Variants in ZNF57 observed in about 807,000 individuals in gnomAD.
The protein encoded by ZNF57 is zinc finger protein 424.
ZNF57 carries 11 observed loss-of-function variants against 13.4 expected under a neutral mutation model. That is an observed-to-expected ratio of 0.82 (90% CI 0.52 to 1.36). The LOEUF is 1.36. ZNF57 is among the 40% of genes most tolerant of loss of function. The pLI, the probability that ZNF57 is intolerant of heterozygous loss-of-function variation, is 0.00. For missense variants in ZNF57, 696 were observed against 667.5 expected (o/e 1.04, Z -0.47); for synonymous variants, 224 against 238.5 (o/e 0.94, Z 0.56).
Position 2,917,002 on chromosome 19 carries a change from T to TA in ZNF57, c.382dup (p.Thr128AsnfsTer14). 1 of 1,614,170 alleles carries TA rather than the reference T, an allele frequency of 6.2e-7. No individual in the cohort carries two copies. Among genetic ancestry groups the TA allele is most frequent in the Non-Finnish European group, 8.5e-7 (1 of 1,180,016 alleles). ...AAGCCATCCATCAAATGCCAGATCT[T>TA]ACCCTGCACAAGAAAGTTTCTGCTG... is the stretch of plus-strand genomic sequence containing the variant. On this transcript the variant is annotated frameshift_variant, in exon 4 of 4. Transcript: ENST00000306908. LOFTEE classifies it low-confidence loss of function (END_TRUNC).
intron 1 of ZNF57, 40 bp downstream of exon 1, chr19:2,901,088 G>A: frequency 3.3e-6 from 5 of 1,520,838 alleles, no homozygotes; most frequent in Non-Finnish European, 4.4e-6. Flanking sequence ...GACGGTCGGA[G>A]CGACGGGAAC....
At position 2,901,470 on chromosome 19, in the gene ZNF57, G is replaced by GTCT. The variant is rs529208431; in HGVS notation, c.3+423_3+425dup. Among the ~76,000 whole-genome samples, 661 of 152,226 alleles carry GTCT rather than the reference G, an allele frequency of 4.3e-3. 5 individuals carry two copies. The highest frequency in any genetic ancestry group is 0.015 in the African/African-American group (609 of 41,546). On this transcript the variant is annotated intron_variant, in intron 1 of 3. Transcript: ENST00000306908. ...ACTCACTTGGGTGCAAGTGGGCTGA[G>GTCT]TCTGAGAAAGGACTCAGCAAAGGGT...
chr19:2,904,010 C>T (rs11673250), intron 1 of ZNF57, among the ~76,000 whole-genome samples: 55,988 of 152,066 alleles, frequency 0.37, 10,588 homozygotes, highest in Non-Finnish European at 0.42. Flanking sequence ...CCACCGCGCC[C>T]GGCCCATTCC....
intron 3 of ZNF57, chr19:2,916,545 T>C (rs1466746074): frequency 8.0e-6 from 2 of 250,214 alleles, no homozygotes; most frequent in East Asian, 8.2e-5. Context: ...AACCCGCCTC[T>C]ACTAAAAATA....
chr19:2,909,523 C>T lies in ZNF57; in HGVS notation c.4-5999C>T, dbSNP rs1431475586. Among the ~76,000 whole-genome samples the T allele has an allele frequency of 4.1e-5, 2 of 49,322 alleles. 1 individual carries two copies. The highest frequency in any genetic ancestry group is 1.3e-4 in the Non-Finnish European group (2 of 15,810). 32.4% of individuals were successfully genotyped at this position (49,322 alleles called of 152,430 possible). On this transcript the variant is annotated intron_variant, in intron 1 of 3. Coordinates refer to ENST00000306908, the MANE Select transcript of ZNF57 (RefSeq NM_173480.3). ...TCTTGACGTCGTGATCCGCACGCCT[C>T]GGCCTCCCAAAGTGCTAGGATTACA...
intron 1 of ZNF57, among the ~76,000 whole-genome samples, chr19:2,906,300 C>T (rs956022302): frequency 1.3e-5 from 2 of 152,200 alleles, no homozygotes; most frequent in African/African-American, 4.8e-5. Flanking sequence ...GCGATCCTCC[C>T]GCCTCAGCCT....
chr19:2,906,220 T>A lies in ZNF57; in HGVS notation c.3+5172T>A, dbSNP rs1327603662. Among the ~76,000 whole-genome samples, 4 of 152,170 alleles carry A rather than the reference T, an allele frequency of 2.6e-5. No individual in the cohort carries two copies. In the East Asian group the frequency reaches 7.7e-4, roughly 29 times the overall value. ...GATTCATGCCACCACACCCAGCTAA[T>A]TAAAAAAAATTTTTATAGAGCTGGG... On this transcript the variant is annotated intron_variant, in intron 1 of 3. Coordinates refer to ENST00000306908, the MANE Select transcript of ZNF57 (RefSeq NM_173480.3).
At chr19:2,901,984 C>G (rs2088034203) in intron 1 of ZNF57, among the ~76,000 whole-genome samples, 1 of 151,808 alleles carries the variant, frequency 6.6e-6, no homozygotes, top group African/African-American at 2.4e-5. Flanking sequence ...AGGAATATTA[C>G]AAAGTACCTT....
At chr19:2,901,223 C>T (rs995649212) in intron 1 of ZNF57, among the ~76,000 whole-genome samples, 175 bp downstream of exon 1, 1 of 136,054 alleles carries the variant, frequency 7.4e-6, no homozygotes, top group Non-Finnish European at 1.6e-5. Flanking sequence ...GGACTGGGGG[C>T]AGTTTGGGGG....
At chr19:2,912,098 G>T in intron 1 of ZNF57, 1 of 152,252 alleles carries the variant, frequency 6.6e-6, no homozygotes, top group East Asian at 1.9e-4. Context: ...GATGTGGGCA[G>T]AGGGCAAGGA....
chr19:2,908,461 G>GTTTT (rs60289248), intron 1 of ZNF57, among the ~76,000 whole-genome samples: 13,847 of 122,466 alleles, frequency 0.11, 1,258 homozygotes, highest in African/African-American at 0.19. Flanking sequence ...TATTTTTTTG[G>GTTTT]TTTTTTTTTT....
Position 2,916,059 on chromosome 19 carries a change from G to A in ZNF57, c.131-19G>A, listed in dbSNP as rs769165919. The A allele has an allele frequency of 1.3e-5, 21 of 1,602,390 alleles. No individual in the cohort carries two copies. Among genetic ancestry groups the A allele is most frequent in the Middle Eastern group, 1.7e-4 (1 of 5,990 alleles). On this transcript the variant is annotated intron_variant, in intron 2 of 3. Coordinates refer to ENST00000306908, the MANE Select transcript of ZNF57 (RefSeq NM_173480.3). ...ACGTGTCTTATTCCTTTTGAGATTT[G>A]TTTACTTTTTTGTTGCAGATGATGG...
At chr19:2,913,166 C>A (rs1025899898) in intron 1 of ZNF57, among the ~76,000 whole-genome samples, 33 of 152,174 alleles carry the variant, frequency 2.2e-4, no homozygotes, top group Middle Eastern at 3.2e-3. Context: ...ATTGGCTCAG[C>A]TGGTCTCAAA....
intron 3 of ZNF57, 30 bp downstream of exon 3, chr19:2,916,279 T>C (rs747617002): frequency 7.1e-6 from 11 of 1,556,280 alleles, no homozygotes; most frequent in Non-Finnish European, 9.6e-6. Context: ...GAAAAATCCT[T>C]GTATGCAATT....
intron 1 of ZNF57, among the ~76,000 whole-genome samples, chr19:2,908,655 G>A (rs62125392): frequency 0.024 from 3,710 of 151,774 alleles, 73 homozygotes; most frequent in African/African-American, 0.045. Flanking sequence ...CGCCCTCCTC[G>A]GCCTCCCAAA....
In ZNF57 at chr19:2,915,511, G is replaced by A. The variant is rs760519787; in HGVS notation, c.4-11G>A. 5.6e-6 allele frequency: 9 copies of A among 1,613,196 alleles called. No individual in the cohort carries two copies. Among genetic ancestry groups the A allele is most frequent in the Non-Finnish European group, 7.6e-6 (9 of 1,179,550 alleles). ...TCCAATCCTCCTGCACACCTGTGTG[G>A]TTTGTCTTAGGACTCAGTGGTCTTT... On this transcript the variant is annotated splice_polypyrimidine_tract_variant and intron_variant, in intron 1 of 3. Transcript: ENST00000306908.
At chr19:2,912,467 C>G (rs943207892) in intron 1 of ZNF57, among the ~76,000 whole-genome samples, 11 of 152,184 alleles carry the variant, frequency 7.2e-5, no homozygotes, top group African/African-American at 2.7e-4. Flanking sequence ...CTCAGGGTTT[C>G]CCATCTAAGT....
chr19:2,905,985 C>T (rs185207240), intron 1 of ZNF57, among the ~76,000 whole-genome samples: 21 of 152,178 alleles, frequency 1.4e-4, no homozygotes, highest in South Asian at 4.1e-4. Context: ...TTCCTCAGTC[C>T]GCGTGCCATC....
chr19:2,905,479 T>G (rs1361424395), intron 1 of ZNF57, among the ~76,000 whole-genome samples: 1 of 138,294 alleles, frequency 7.2e-6, no homozygotes, highest in Non-Finnish European at 1.5e-5. Flanking sequence ...CTCCTAATTA[T>G]GATTGTGATT....
Sources: gnomAD v4.1 joint callset for allele counts (sites outside exome capture counted in the v4.1 genomes callset) on GRCh38, gnomAD v4.1.1 for gene constraint, MANE v1.5 for transcripts, NCBI Gene and HGNC (gene_info 2026-07-23, HGNC 2026-07-21) for gene names.